RYR3: variants seen among roughly 807,000 people sequenced by gnomAD.
The protein encoded by RYR3 is brain ryanodine receptor-calcium release channel.
Under a neutral mutation model 584.3 loss-of-function variants are expected in RYR3, and 207 were observed. That is an observed-to-expected ratio of 0.35 (90% CI 0.32 to 0.40). RYR3 has a LOEUF of 0.40. Among genes scored for constraint, RYR3 ranks in the 10% least tolerant of loss-of-function variants. The pLI is 1.00. For synonymous variants in RYR3, 2,416 were observed against 2,248.5 expected (o/e 1.07, Z -2.11); for missense variants, 5,616 against 6,089.2 (o/e 0.92, Z 2.59).
chr15:33,332,737 G>A (rs1299560580), intron 1 of RYR3, among the ~76,000 whole-genome samples: 1 of 151,912 alleles, frequency 6.6e-6, no homozygotes, highest in Non-Finnish European at 1.5e-5. Context: ...TATACCTGAT[G>A]GTAGAAATAA....
chr15:33,533,744 T>G (rs2055078766), intron 5 of RYR3, among the ~76,000 whole-genome samples: 1 of 152,198 alleles, frequency 6.6e-6, no homozygotes, highest in Non-Finnish European at 1.5e-5. Flanking sequence ...GCTTAAATAA[T>G]GAAATATAGT....
At chr15:33,400,670 A>T (rs574493756) in intron 1 of RYR3, among the ~76,000 whole-genome samples, 1 of 152,214 alleles carries the variant, frequency 6.6e-6, no homozygotes, top group Non-Finnish European at 1.5e-5. Flanking sequence ...GTAGTAGAGT[A>T]GGGGTGCTTG....
intron 38 of RYR3, among the ~76,000 whole-genome samples, chr15:33,673,276 A>G (rs1201834393): frequency 6.6e-6 from 1 of 152,244 alleles, no homozygotes; most frequent in Admixed American, 6.5e-5. Context: ...CTCACCCCGC[A>G]GTCCCTCTGC....
chr15:33,798,708 A>G, intron 67 of RYR3, among the ~76,000 whole-genome samples: 1 of 152,234 alleles, frequency 6.6e-6, no homozygotes, highest in East Asian at 1.9e-4. Context: ...GTTTGTTACT[A>G]TGGAAGAAGA....
At chr15:33,483,721 T>C (rs931280823) in intron 2 of RYR3, among the ~76,000 whole-genome samples, 1 of 152,236 alleles carries the variant, frequency 6.6e-6, no homozygotes, top group Admixed American at 6.5e-5. Flanking sequence ...TGCTGTCTTA[T>C]ATAGCTTATG....
intron 66 of RYR3, among the ~76,000 whole-genome samples, chr15:33,786,433 T>A (rs2074713849): frequency 6.6e-6 from 1 of 152,158 alleles, no homozygotes; most frequent in African/African-American, 2.4e-5. Context: ...CACTCTGTGC[T>A]TTCTAAGACA....
chr15:33,597,878 T>C (rs914216218), intron 16 of RYR3, among the ~76,000 whole-genome samples: 1 of 151,604 alleles, frequency 6.6e-6, no homozygotes, highest in Admixed American at 6.6e-5. Context: ...TGGAAGTACA[T>C]TTTATAGATT....
intron 42 of RYR3, 61 bp from the exon 43 acceptor site, chr15:33,706,858 T>C: frequency 6.8e-7 from 1 of 1,481,222 alleles, no homozygotes; most frequent in Non-Finnish European, 9.1e-7. Context: ...TTTTTTGAGG[T>C]GTGTTTTTTA....
intron 100 of RYR3, 113 bp from the exon 101 acceptor site, chr15:33,860,482 G>A: frequency 1.7e-6 from 1 of 581,964 alleles, no homozygotes; most frequent in Admixed American, 3.4e-5. Flanking sequence ...TTCTAATTTT[G>A]CTTTGATAAT....
chr15:33,604,768 G>A (rs570221687), intron 18 of RYR3, among the ~76,000 whole-genome samples: 2 of 152,170 alleles, frequency 1.3e-5, no homozygotes, highest in African/African-American at 4.8e-5. Flanking sequence ...TGAGTCTGTG[G>A]CTATGAAGTA....
In RYR3 at chr15:33,837,765, A is replaced by G; in HGVS notation, c.11785A>G (p.Lys3929Glu). Residue 3929 changes from lysine (K) to glutamate (E), a missense_variant, in exon 89 of 104, where the codon AAA becomes GAA. Transcript: ENST00000634891. ...LKDLTSSDTFKEYDPDGKGII... is the reference protein window; with the variant it reads ...LKDLTSSDTFEEYDPDGKGII... Reference sequence around the variant, plus strand: ...AGACTTAACCAGCTCAGACACCTTCAAAGAATATGACCCAGATGGTAAAGG... The same window carrying G: ...AGACTTAACCAGCTCAGACACCTTCGAAGAATATGACCCAGATGGTAAAGG... 6.2e-7 allele frequency: 1 copy of G among 1,613,968 alleles called. No homozygotes were observed. The highest frequency in any genetic ancestry group is 8.5e-7 in the Non-Finnish European group (1 of 1,179,858).
intron 102 of RYR3, among the ~76,000 whole-genome samples, chr15:33,863,101 C>T (rs1201267965): frequency 6.6e-6 from 1 of 152,162 alleles, no homozygotes; most frequent in African/African-American, 2.4e-5. Flanking sequence ...CCTTCTGTGC[C>T]TTCCCATGGC....
At chr15:33,383,747 C>T (rs775955865) in intron 1 of RYR3, among the ~76,000 whole-genome samples, 2 of 152,132 alleles carry the variant, frequency 1.3e-5, no homozygotes, top group Non-Finnish European at 1.5e-5. Flanking sequence ...TTTGACCCAG[C>T]AATCCCATTG....
chr15:33,361,024 T>A (rs1444621314), intron 1 of RYR3, among the ~76,000 whole-genome samples: 1 of 152,168 alleles, frequency 6.6e-6, no homozygotes, highest in Non-Finnish European at 1.5e-5. Context: ...GAAAAGCAGA[T>A]GTTGCAGCTC....
At chr15:33,316,478 A>T (rs1249096769) in intron 1 of RYR3, among the ~76,000 whole-genome samples, 1 of 152,190 alleles carries the variant, frequency 6.6e-6, no homozygotes, top group Non-Finnish European at 1.5e-5. Flanking sequence ...AACCTTTCTA[A>T]ATTAGATATG....
At chr15:33,848,546 C>T in intron 94 of RYR3, 125 bp downstream of exon 94, 1 of 1,103,844 alleles carries the variant, frequency 9.1e-7, no homozygotes. Flanking sequence ...GACTTTTCTC[C>T]CTTGCCTCTT....
intron 25 of RYR3, among the ~76,000 whole-genome samples, 192 bp downstream of exon 25, chr15:33,634,925 T>C (rs2061430462): frequency 6.6e-6 from 1 of 152,192 alleles, no homozygotes; most frequent in African/African-American, 2.4e-5. Flanking sequence ...ATCATCCCAT[T>C]GACAGATTTT....
intron 16 of RYR3, among the ~76,000 whole-genome samples, chr15:33,601,177 G>A (rs1266679183): frequency 6.6e-6 from 1 of 152,148 alleles, no homozygotes; most frequent in South Asian, 2.1e-4. Context: ...GAGGGAAGGG[G>A]CATAAGACTA....
chr15:33,321,836 T>C (rs948022371), intron 1 of RYR3, among the ~76,000 whole-genome samples: 4 of 152,168 alleles, frequency 2.6e-5, no homozygotes, highest in African/African-American at 9.7e-5. Flanking sequence ...ACATTTTAAG[T>C]TGTAAATAGA....
Sources: gnomAD v4.1 joint callset for allele counts (sites outside exome capture counted in the v4.1 genomes callset) on GRCh38, gnomAD v4.1.1 for gene constraint, MANE v1.5 for transcripts, NCBI Gene and HGNC (gene_info 2026-07-23, HGNC 2026-07-21) for gene names.